The following NLE1 variants were observed in gnomAD, a reference collection of about 807,000 sequenced individuals.
NLE1 encodes notchless homolog 1.
Under a neutral mutation model 62.8 loss-of-function variants are expected in NLE1, and 37 were observed. That is an observed-to-expected ratio of 0.59 (90% CI 0.45 to 0.78). NLE1 has a LOEUF of 0.78. Ranked by LOEUF, NLE1 falls within the 30% of genes least tolerant of loss-of-function variation. The pLI is 0.00. For missense variants in NLE1, 555 were observed against 637.9 expected (o/e 0.87, Z 1.40); for synonymous variants, 243 against 253.0 (o/e 0.96, Z 0.37).
chr17:35,133,196 C>T lies in NLE1; in HGVS notation c.1420G>A (p.Gly474Ser). ...WSPDGQRVAS[G>S]GKDKCLRIWR... Reference sequence around the variant, plus strand: ...ATCCGGAGGCATTTGTCCTTCCCACCACTTGCCACTCTCTGGCCATCTGGA... The same window carrying T: ...ATCCGGAGGCATTTGTCCTTCCCACTACTTGCCACTCTCTGGCCATCTGGA... Residue 474 changes from glycine to serine, a missense_variant, in exon 12 of 13, where the codon GGT becomes AGT. Gly to Ser is a moderately conservative substitution (Grantham distance 56). Transcript: ENST00000442241. 2.5e-6 allele frequency: 4 copies of T among 1,614,252 alleles called. No homozygotes were observed. Among genetic ancestry groups the T allele is most frequent in the Non-Finnish European group, 3.4e-6 (4 of 1,180,052 alleles).
At chr17:35,133,519 G>GA in intron 10 of NLE1, 21 bp from the exon 11 acceptor site, 1 of 1,595,788 alleles carries the variant, frequency 6.3e-7, no homozygotes, top group Non-Finnish European at 8.5e-7. Flanking sequence ...AGAAGACGAT[G>GA]ATGGATTTTA....
chr17:35,138,699 C>G (rs911812818), intron 4 of NLE1, among the ~76,000 whole-genome samples: 1 of 152,206 alleles, frequency 6.6e-6, no homozygotes, highest in South Asian at 2.1e-4. Flanking sequence ...CTGCCTTGGC[C>G]TCCCGAAGTG....
chr17:35,138,067 G>A lies in NLE1; in HGVS notation c.461-177C>T, dbSNP rs189648841. ...AATGCACCCCAAGTGTTAGAGCTCT[G>A]CATCTTGCTGCATGGATAACACCAT... On this transcript the variant is annotated intron_variant, in intron 4 of 12. Transcript: ENST00000442241. Among the ~76,000 whole-genome samples, 198 of 152,312 alleles carry A rather than the reference G, an allele frequency of 1.3e-3. 4 individuals carry two copies. The South Asian group carries it at 0.032, about 25-fold the overall frequency.
At chr17:35,134,146 G>A (rs1170888500) in intron 10 of NLE1, among the ~76,000 whole-genome samples, 1 of 152,174 alleles carries the variant, frequency 6.6e-6, no homozygotes, top group African/African-American at 2.4e-5. Flanking sequence ...ATACTTGAGT[G>A]GGTAGCAGAG....
intron 4 of NLE1, among the ~76,000 whole-genome samples, chr17:35,138,823 C>T (rs1383422719): frequency 6.6e-6 from 1 of 152,118 alleles, no homozygotes; most frequent in African/African-American, 2.4e-5. Context: ...GTGGCAGAGG[C>T]AGGATTTAAA....
intron 10 of NLE1, among the ~76,000 whole-genome samples, chr17:35,133,847 A>G (rs1193875597): frequency 6.6e-6 from 1 of 152,114 alleles, no homozygotes; most frequent in Non-Finnish European, 1.5e-5. Flanking sequence ...GGTGGCATGG[A>G]GTAACAGTGG....
Position 35,135,442 on chromosome 17 carries a change from G to A in NLE1, c.1021C>T (p.Pro341Ser), listed in dbSNP as rs773397771. 6.2e-7 allele frequency: 1 copy of A among 1,614,022 alleles called. No homozygotes were observed. The highest frequency in any genetic ancestry group is 1.1e-5 in the South Asian group (1 of 91,080). The change falls in exon 10 of 13, where the codon CCA (proline) becomes TCA (serine). Residue 341 changes from proline (P) to serine (S), a missense_variant. By Grantham distance (74) the Pro-to-Ser change is moderately conservative (BLOSUM62 -1). Coordinates refer to ENST00000442241, the MANE Select transcript of NLE1 (RefSeq NM_018096.5). ...TCGGAGCCAGACACCAGCCTCTCTG[G>A]ACCCTGGCCCTAGGGGAGGCAGAAA... The part of the protein sequence containing the change: ...SRYNLVRGQG[P>S]ERLVSGSDDF...
Position 35,131,258 on chromosome 17 carries a change from G to A in NLE1, c.*1179C>T, listed in dbSNP as rs1159423204. ...TCTTATGTAGCCTCACTGCAGATAT[G>A]TGCAAGGTGGAGGCCAAGCACCACA... is the stretch of plus-strand genomic sequence containing the variant. On this transcript the variant is annotated 3_prime_UTR_variant, in exon 13 of 13. Coordinates refer to ENST00000442241, the MANE Select transcript of NLE1 (RefSeq NM_018096.5). The A allele has an allele frequency of 6.6e-6, 1 of 152,256 alleles. No individual in the cohort carries two copies. Among genetic ancestry groups the A allele is most frequent in the Non-Finnish European group, 1.5e-5 (1 of 68,074 alleles). The allele number at this position is 152,256 out of a possible 1,614,324, so 9.4% of individuals were successfully genotyped here.
chr17:35,137,560 G>C lies in NLE1; in HGVS notation c.618C>G (p.Ser206Arg). 1 of 1,609,448 alleles carries C rather than the reference G, an allele frequency of 6.2e-7. No individual in the cohort carries two copies. The highest frequency in any genetic ancestry group is 8.5e-7 in the Non-Finnish European group (1 of 1,179,832). Reference sequence around the variant, plus strand: ...TCACTTACGCATGGAGGGGCTCCCAGCTCAGGCCTGTGATCCACTTGCTGT... The same window carrying C: ...TCACTTACGCATGGAGGGGCTCCCACCTCAGGCCTGTGATCCACTTGCTGT... ...AGHSKWITGL[S>R]WEPLHANPEC... The change falls in exon 6 of 13, where the codon AGC becomes AGG. Residue 206 changes from serine to arginine, a missense_variant. By Grantham distance (110) the Ser-to-Arg change is moderately radical (BLOSUM62 -1). Transcript: ENST00000442241.
At position 35,130,461 on chromosome 17, in the gene NLE1, CCTA is replaced by C. The variant is rs1439926229; in HGVS notation, c.*1973_*1975del. On this transcript the variant is annotated 3_prime_UTR_variant, in exon 13 of 13. Coordinates refer to ENST00000442241, the MANE Select transcript of NLE1 (RefSeq NM_018096.5). ...GGGGAGGGCCCCAGGACACCCCTCA[CCTA>C]CTTTCAGCTTCAACCCCAGGCCCTC... The C allele has an allele frequency of 2.5e-6, 4 of 1,605,178 alleles. No individual in the cohort carries two copies. In the South Asian group the frequency reaches 4.4e-5, roughly 18 times the overall value.
At position 35,129,618 on chromosome 17, in the gene NLE1, C is replaced by T; in HGVS notation, c.*2819G>A. 6.2e-7 allele frequency: 1 copy of T among 1,614,126 alleles called. No individual in the cohort carries two copies. Among genetic ancestry groups the T allele is most frequent in the Non-Finnish European group, 8.5e-7 (1 of 1,180,030 alleles). ...TGTTACTGCCTCAGTGTCCGTGCAG[C>T]CAACACAGCTGGGGTGGGGAAGTGG... On this transcript the variant is annotated 3_prime_UTR_variant, in exon 13 of 13. Transcript: ENST00000442241.
In NLE1 at chr17:35,132,530, C is replaced by T. The variant is rs373762632; in HGVS notation, c.1446-81G>A. ...GTCATATAATCCCAGTGTCAACAGA[C>T]GGACGGCCTGTGGTCCACCCTCAGA... On this transcript the variant is annotated intron_variant, in intron 12 of 12. Transcript: ENST00000442241. 8 of 1,205,872 alleles carry T rather than the reference C, an allele frequency of 6.6e-6. No individual in the cohort carries two copies. In the Admixed American group the frequency reaches 1.2e-4, roughly 18 times the overall value. The allele number at this position is 1,205,872 out of a possible 1,614,324, so 74.7% of individuals were successfully genotyped here.
At chr17:35,139,199 A>C in intron 4 of NLE1, 36 bp downstream of exon 4, 1 of 1,586,660 alleles carries the variant, frequency 6.3e-7, no homozygotes, top group Non-Finnish European at 8.6e-7. Context: ...TCTCAAAAAA[A>C]AAGAAGACCC....
intron 2 of NLE1, among the ~76,000 whole-genome samples, chr17:35,140,316 C>T (rs1163855245): frequency 7.2e-5 from 11 of 152,172 alleles, no homozygotes; most frequent in South Asian, 2.1e-4. Flanking sequence ...GCAACCTCCG[C>T]GTCCTGGGTT....
chr17:35,137,503 C>A, intron 6 of NLE1, 40 bp downstream of exon 6: 1 of 1,521,056 alleles, frequency 6.6e-7, no homozygotes, highest in Admixed American at 1.7e-5. Flanking sequence ...TGGCTTTGAT[C>A]CCCTGGCTCA....
intron 12 of NLE1, 26 bp downstream of exon 12, chr17:35,133,145 C>A (rs761664528): frequency 1.2e-6 from 2 of 1,610,132 alleles, no homozygotes; most frequent in African/African-American, 2.7e-5. Flanking sequence ...GCTGTGTATG[C>A]CAACCACCAC....
In NLE1 at chr17:35,139,972, TTC is replaced by T; in HGVS notation, c.255_256del (p.Lys86GlyfsTer29). ...TGGCTGGTAGATGATGTCTAGGACCTTCTCTGTCTCCACTGCCTGGGACTCCA... is the reference window on the plus strand; with the variant it reads ...TGGCTGGTAGATGATGTCTAGGACCTTCTGTCTCCACTGCCTGGGACTCCA... On this transcript the variant is annotated frameshift_variant, in exon 3 of 13. Coordinates refer to ENST00000442241, the MANE Select transcript of NLE1 (RefSeq NM_018096.5). LOFTEE classifies it high-confidence loss of function. 2 of 1,614,196 alleles carry T rather than the reference TTC, an allele frequency of 1.2e-6. No individual in the cohort carries two copies. Among genetic ancestry groups the T allele is most frequent in the Non-Finnish European group, 1.7e-6 (2 of 1,180,044 alleles).
At chr17:35,135,018 C>G (rs1481931533) in intron 10 of NLE1, 1 of 624,522 alleles carries the variant, frequency 1.6e-6, no homozygotes, top group Non-Finnish European at 3.0e-6. Flanking sequence ...TGCCGCTGCA[C>G]TCGAGCCACT....
chr17:35,139,784 C>T (rs1021260954), intron 3 of NLE1, 65 bp downstream of exon 3: 5 of 1,577,218 alleles, frequency 3.2e-6, no homozygotes, highest in Middle Eastern at 4.6e-4. Context: ...CTGGGAGACC[C>T]TCCCCAAACC....
Sources: allele counts gnomAD v4.1 joint callset (sites outside exome capture counted in the v4.1 genomes callset), GRCh38; gene constraint gnomAD v4.1.1; transcripts MANE v1.5; gene names NCBI Gene and HGNC (gene_info 2026-07-23, HGNC 2026-07-21).